The following CSMD1 variants were observed in gnomAD, a reference collection of about 807,000 sequenced individuals.
CSMD1 encodes CUB and Sushi multiple domains 1.
CSMD1 carries 213 observed loss-of-function variants against 417.5 expected under a neutral mutation model. That is an observed-to-expected ratio of 0.51 (90% CI 0.46 to 0.57). The LOEUF (loss-of-function observed/expected upper bound fraction) is 0.57. Among genes scored for constraint, CSMD1 ranks in the 20% least tolerant of loss-of-function variants. The probability of loss-of-function intolerance (pLI) is 0.00; values close to 1 mark genes in which losing one functional copy is unlikely to be tolerated. For missense variants in CSMD1, 6,923 were observed against 4,529.7 expected (o/e 1.53, Z -15.17); for synonymous variants, 2,862 against 1,736.8 (o/e 1.65, Z -16.11).
intron 23 of CSMD1, among the ~76,000 whole-genome samples, chr8:3,329,706 G>C (rs1416896639): frequency 6.6e-6 from 1 of 152,098 alleles, no homozygotes. Context: ...GGGCCGCATG[G>C]GCCTGCAGGA....
At chr8:4,558,039 C>T (rs560783854) in intron 2 of CSMD1, among the ~76,000 whole-genome samples, 9 of 152,312 alleles carry the variant, frequency 5.9e-5, no homozygotes, top group Admixed American at 1.3e-4. Flanking sequence ...CTATGGCTAA[C>T]AATGCCTTAT....
intron 10 of CSMD1, among the ~76,000 whole-genome samples, chr8:3,521,450 C>G (rs1445006461): frequency 6.6e-6 from 1 of 152,182 alleles, no homozygotes; most frequent in East Asian, 1.9e-4. Context: ...AGCTCACTGG[C>G]CTTGAACTTC....
chr8:4,520,195 A>G (rs1001069382), intron 2 of CSMD1, among the ~76,000 whole-genome samples: 1 of 152,180 alleles, frequency 6.6e-6, no homozygotes, highest in South Asian at 2.1e-4. Context: ...TAAAAATGCA[A>G]TATCGTGGCA....
At chr8:4,784,063 T>C (rs1165597835) in intron 1 of CSMD1, among the ~76,000 whole-genome samples, 2 of 152,216 alleles carry the variant, frequency 1.3e-5, no homozygotes, top group Non-Finnish European at 2.9e-5. Flanking sequence ...TAACATATTT[T>C]TGAGGGATTG....
intron 3 of CSMD1, among the ~76,000 whole-genome samples, chr8:4,214,513 G>C (rs762869408): frequency 6.6e-6 from 1 of 152,142 alleles, no homozygotes; most frequent in East Asian, 1.9e-4. Flanking sequence ...GCCCAGGTTG[G>C]TCTCAAACCC....
intron 30 of CSMD1, among the ~76,000 whole-genome samples, chr8:3,208,635 G>A (rs553554139): frequency 6.6e-6 from 1 of 152,272 alleles, no homozygotes; most frequent in Non-Finnish European, 1.5e-5. Context: ...TTGATCCTGG[G>A]TATGTCTGTG....
At chr8:4,163,525 T>C (rs747924790) in intron 3 of CSMD1, among the ~76,000 whole-genome samples, 2 of 152,196 alleles carry the variant, frequency 1.3e-5, no homozygotes, top group African/African-American at 4.8e-5. Context: ...TTGTGAAATA[T>C]TTAATATTAG....
chr8:4,538,013 C>T (rs867073501), intron 2 of CSMD1, among the ~76,000 whole-genome samples: 1 of 152,180 alleles, frequency 6.6e-6, no homozygotes, highest in Non-Finnish European at 1.5e-5. Context: ...TGGTTTTCAT[C>T]TGAATCACAT....
rs1302708239 is a variant in CSMD1 at position 4,104,362 on chromosome 8, T to TG, written c.416-72264dup. On this transcript the variant is annotated intron_variant, in intron 3 of 69. Coordinates refer to ENST00000635120, the MANE Select transcript of CSMD1 (RefSeq NM_033225.6). ...CAAAAGGCATTAAGACTGCACACTG[T>TG]GAAAAAATGCACAGGGCAGTACTAC... Among the ~76,000 whole-genome samples the TG allele has an allele frequency of 3.9e-5, 6 of 152,134 alleles. No individual in the cohort carries two copies. In the East Asian group the frequency reaches 7.7e-4, roughly 20 times the overall value.
At position 4,186,514 on chromosome 8, in the gene CSMD1, T is replaced by C. The variant is rs1270383013; in HGVS notation, c.416-154415A>G. ...AAATAAGATGGAATTTAATTACTTATTTTGAAAACTGGTGACTTCACAGCA... is the reference window on the plus strand; with the variant it reads ...AAATAAGATGGAATTTAATTACTTACTTTGAAAACTGGTGACTTCACAGCA... On this transcript the variant is annotated intron_variant, in intron 3 of 69. Coordinates refer to ENST00000635120, the MANE Select transcript of CSMD1 (RefSeq NM_033225.6). Among the ~76,000 whole-genome samples the C allele has an allele frequency of 2.6e-5, 4 of 152,142 alleles. No homozygotes were observed. The East Asian group carries it at 7.7e-4, about 29-fold the overall frequency.
intron 3 of CSMD1, among the ~76,000 whole-genome samples, chr8:4,090,043 A>G (rs1477828902): frequency 6.6e-6 from 1 of 152,226 alleles, no homozygotes; most frequent in South Asian, 2.1e-4. Context: ...ATATTGATTT[A>G]TCATAGGACA....
At chr8:4,563,724 G>A (rs1182928020) in intron 2 of CSMD1, among the ~76,000 whole-genome samples, 3 of 152,148 alleles carry the variant, frequency 2.0e-5, no homozygotes, top group East Asian at 3.9e-4. Context: ...TGCAACTGTA[G>A]AAAATGTGAC....
At chr8:3,197,366 G>T (rs1336769727) in intron 33 of CSMD1, among the ~76,000 whole-genome samples, 1 of 151,690 alleles carries the variant, frequency 6.6e-6, no homozygotes, top group East Asian at 1.9e-4. Context: ...TAAAGTCTGT[G>T]TGCAATTTGA....
chr8:4,079,857 G>C (rs1015864674), intron 3 of CSMD1, among the ~76,000 whole-genome samples: 11 of 152,136 alleles, frequency 7.2e-5, no homozygotes, highest in Admixed American at 1.3e-4. Context: ...TGTTTCTAAT[G>C]ACCCTTTGAA....
intron 3 of CSMD1, among the ~76,000 whole-genome samples, chr8:4,230,041 C>T (rs912073161): frequency 2.0e-5 from 3 of 152,150 alleles, no homozygotes; most frequent in African/African-American, 7.2e-5. Flanking sequence ...AACATAAGAA[C>T]ATCTTACGTG....
At chr8:3,660,008 G>T (rs950204893) in intron 7 of CSMD1, among the ~76,000 whole-genome samples, 1 of 152,108 alleles carries the variant, frequency 6.6e-6, no homozygotes, top group South Asian at 2.1e-4. Flanking sequence ...TGAACAATAC[G>T]TATCTAATCG....
intron 5 of CSMD1, among the ~76,000 whole-genome samples, chr8:3,881,821 G>C (rs1806226626): frequency 6.6e-6 from 1 of 152,036 alleles, no homozygotes; most frequent in Admixed American, 6.6e-5. Flanking sequence ...GAACAGAAGT[G>C]AGAAGCAAAT....
At chr8:4,211,636 T>A (rs558834250) in intron 3 of CSMD1, among the ~76,000 whole-genome samples, 1 of 152,212 alleles carries the variant, frequency 6.6e-6, no homozygotes, top group East Asian at 1.9e-4. Context: ...AAATATCCCA[T>A]CGTACTAAAA....
At chr8:3,479,276 T>TTTTA (rs1000504939) in intron 11 of CSMD1, among the ~76,000 whole-genome samples, 3 of 152,058 alleles carry the variant, frequency 2.0e-5, no homozygotes, top group East Asian at 1.9e-4. Context: ...TTGCCATTAT[T>TTTTA]TTTATTTATT....
Sources: allele counts gnomAD v4.1 joint callset (sites outside exome capture counted in the v4.1 genomes callset), GRCh38; gene constraint gnomAD v4.1.1; transcripts MANE v1.5; gene names NCBI Gene and HGNC (gene_info 2026-07-23, HGNC 2026-07-21).